The following DENND1A variants were observed in gnomAD, a reference collection of about 807,000 sequenced individuals.
DENND1A encodes the protein DENN domain-containing protein 1A.
A neutral mutation model predicts 113.7 loss-of-function variants in DENND1A; 51 were observed. That is an observed-to-expected ratio of 0.45 (90% CI 0.36 to 0.57). DENND1A has a LOEUF of 0.57. Among genes scored for constraint, DENND1A ranks in the 20% least tolerant of loss-of-function variants. The pLI is 0.00. For missense variants in DENND1A, 1,258 were observed against 1,395.9 expected (o/e 0.90, Z 1.57); for synonymous variants, 565 against 570.8 (o/e 0.99, Z 0.14).
chr9:123,406,547 T>C (rs938023021), intron 20 of DENND1A, among the ~76,000 whole-genome samples: 1 of 152,222 alleles, frequency 6.6e-6, no homozygotes, highest in Non-Finnish European at 1.5e-5. Context: ...AGCAAGATTT[T>C]TAGAAACGAA....
chr9:123,540,536 T>C (rs1439969789), intron 13 of DENND1A, among the ~76,000 whole-genome samples: 1 of 152,144 alleles, frequency 6.6e-6, no homozygotes, highest in East Asian at 1.9e-4. Context: ...CCCTGGAGCA[T>C]CACTTTTTGG....
intron 13 of DENND1A, among the ~76,000 whole-genome samples, chr9:123,512,616 C>A (rs963166331): frequency 1.3e-5 from 2 of 152,234 alleles, no homozygotes; most frequent in African/African-American, 4.8e-5. Context: ...GCGTCACAGA[C>A]CTCCCCAAAG....
chr9:123,499,756 G>C (rs1011141756), intron 13 of DENND1A, among the ~76,000 whole-genome samples: 3 of 152,182 alleles, frequency 2.0e-5, no homozygotes, highest in African/African-American at 7.2e-5. Context: ...CTCAGCTCAG[G>C]CATCTTTCAG....
chr9:123,894,598 T>C (rs1038787155), intron 1 of DENND1A, among the ~76,000 whole-genome samples: 8 of 152,210 alleles, frequency 5.3e-5, no homozygotes, highest in Non-Finnish European at 1.2e-4. Context: ...GCAATGAGGC[T>C]TTTTCTAATC....
chr9:123,453,888 A>ATTT, intron 16 of DENND1A, among the ~76,000 whole-genome samples: 1 of 152,310 alleles, frequency 6.6e-6, no homozygotes, highest in Non-Finnish European at 1.5e-5. Context: ...TGGAGTATTG[A>ATTT]AACTCCCTTT....
At chr9:123,603,828 C>G (rs2060035241) in intron 11 of DENND1A, among the ~76,000 whole-genome samples, 1 of 152,202 alleles carries the variant, frequency 6.6e-6, no homozygotes, top group Non-Finnish European at 1.5e-5. Context: ...CTACAAACAC[C>G]TCTGTCACAG....
chr9:123,917,161 G>A (rs546240810), intron 1 of DENND1A, among the ~76,000 whole-genome samples: 2 of 152,036 alleles, frequency 1.3e-5, no homozygotes, highest in African/African-American at 2.4e-5. Context: ...TCCAGCCCAG[G>A]CGACCGAGCA....
chr9:123,382,676 A>G (rs1012586722), intron 23 of DENND1A, 51 bp from the exon 24 acceptor site: 2 of 1,571,934 alleles, frequency 1.3e-6, no homozygotes, highest in East Asian at 2.3e-5. Flanking sequence ...GTTGGGACAT[A>G]TGTGTGCCCA....
At chr9:123,617,309 A>C (rs1473397482) in intron 10 of DENND1A, among the ~76,000 whole-genome samples, 2 of 152,234 alleles carry the variant, frequency 1.3e-5, no homozygotes, top group Non-Finnish European at 2.9e-5. Flanking sequence ...TTTCGACAGC[A>C]AGAGCACGGG....
At chr9:123,410,637 G>A (rs539785695) in intron 20 of DENND1A, among the ~76,000 whole-genome samples, 2 of 152,226 alleles carry the variant, frequency 1.3e-5, no homozygotes, top group African/African-American at 2.4e-5. Flanking sequence ...CACCCAGAGA[G>A]CAGCTACCCA....
chr9:123,902,170 CACAT>C (rs1302275763), intron 1 of DENND1A, among the ~76,000 whole-genome samples: 28 of 123,150 alleles, frequency 2.3e-4, no homozygotes, highest in Non-Finnish European at 3.8e-4. Flanking sequence ...GTCACACACA[CACAT>C]ACACACACAC....
At chr9:123,839,029 G>A (rs1004452649) in intron 2 of DENND1A, among the ~76,000 whole-genome samples, 5 of 152,220 alleles carry the variant, frequency 3.3e-5, no homozygotes, top group African/African-American at 1.2e-4. Flanking sequence ...GGAAGGGGCA[G>A]TGCAGCAGAG....
At chr9:123,828,209 A>G (rs1012725883) in intron 2 of DENND1A, among the ~76,000 whole-genome samples, 1 of 152,176 alleles carries the variant, frequency 6.6e-6, no homozygotes, top group African/African-American at 2.4e-5. Flanking sequence ...AAAAAGATTG[A>G]GAGTTTTGCA....
rs1359894360 is a variant in DENND1A at position 123,380,319 on chromosome 9, C to T, written c.*1113G>A. Reference sequence around the variant, plus strand: ...AGGAAAAAGAAAGATAATAAACATTCAATCTAACTTTGGTGACGTTGGCCT... The same window carrying T: ...AGGAAAAAGAAAGATAATAAACATTTAATCTAACTTTGGTGACGTTGGCCT... On this transcript the variant is annotated 3_prime_UTR_variant, in exon 24 of 24. Transcript: ENST00000394215. The T allele has an allele frequency of 6.6e-6, 1 of 152,588 alleles. No individual in the cohort carries two copies. Among genetic ancestry groups the T allele is most frequent in the Admixed American group, 6.5e-5 (1 of 15,292 alleles). The allele number at this position is 152,588 out of a possible 1,614,324, so 9.5% of individuals were successfully genotyped here. A position where few individuals can be genotyped will look rare whatever the true frequency, so the allele number is the denominator to read the frequency against.
intron 11 of DENND1A, among the ~76,000 whole-genome samples, chr9:123,607,514 CACACACAGAGAG>C (rs1265457346): frequency 0.022 from 2,033 of 92,380 alleles, 40 homozygotes; most frequent in African/African-American, 0.035. Flanking sequence ...CACACACACA[CACACACAGAGAG>C]AGAGAGAGAG....
chr9:123,624,390 T>C (rs887301336), intron 10 of DENND1A, among the ~76,000 whole-genome samples: 1 of 152,160 alleles, frequency 6.6e-6, no homozygotes, highest in Admixed American at 6.5e-5. Context: ...ACCAAAGCAG[T>C]GGTAGTGGCT....
At chr9:123,637,943 ACACACACGCG>A (rs2061799446) in intron 9 of DENND1A, among the ~76,000 whole-genome samples, 2 of 35,802 alleles carry the variant, frequency 5.6e-5, no homozygotes, top group African/African-American at 1.9e-4. Context: ...GCACACACAC[ACACACACGCG>A]CACACACACA....
At chr9:123,729,212 A>G (rs1254202344) in intron 5 of DENND1A, among the ~76,000 whole-genome samples, 2 of 152,212 alleles carry the variant, frequency 1.3e-5, no homozygotes, top group Non-Finnish European at 2.9e-5. Flanking sequence ...AAGGACAATG[A>G]TGCCCCCCTC....
intron 10 of DENND1A, among the ~76,000 whole-genome samples, chr9:123,612,446 AAC>A (rs2060460681): frequency 6.6e-6 from 1 of 152,338 alleles, no homozygotes; most frequent in Middle Eastern, 3.4e-3. Context: ...ATATTATCCT[AAC>A]ACAATTACTT....
Sources: gnomAD v4.1 joint callset for allele counts (sites outside exome capture counted in the v4.1 genomes callset) on GRCh38, gnomAD v4.1.1 for gene constraint, MANE v1.5 for transcripts, NCBI Gene and HGNC (gene_info 2026-07-23, HGNC 2026-07-21) for gene names.